The following DHRS7 variants were observed in gnomAD, a reference collection of about 807,000 sequenced individuals.
DHRS7 encodes the protein dehydrogenase/reductase SDR family member 7.
A neutral mutation model predicts 38.9 loss-of-function variants in DHRS7; 34 were observed. The observed-to-expected ratio is 0.87, with a 90% CI of 0.66 to 1.16. The LOEUF (loss-of-function observed/expected upper bound fraction) is 1.16, where lower values mean the gene tolerates loss of function less well. Ranked by LOEUF, DHRS7 falls within the 50% of genes most tolerant of loss-of-function variation. DHRS7 has a pLI of 0.00. For synonymous variants in DHRS7, 158 were observed against 153.1 expected, an observed-to-expected ratio of 1.03 and a Z score of -0.24; for missense variants, 421 against 407.0, an observed-to-expected ratio of 1.03 and a Z score of -0.30.
In DHRS7 at chr14:60,155,976, C is replaced by T. The variant is rs375291370; in HGVS notation, c.286+24G>A. ...GGACTGATTTATTTCTAGGAAGCAC[C>T]GCTGCTATTTCAGATCCGCTTACCT... On this transcript the variant is annotated intron_variant, in intron 2 of 6. Coordinates refer to ENST00000557185, the MANE Select transcript of DHRS7 (RefSeq NM_016029.4). The T allele has an allele frequency of 1.9e-5, 28 of 1,495,276 alleles. No individual in the cohort carries two copies. The South Asian group carries it at 1.9e-4, about 10-fold the overall frequency. 92.6% of individuals were successfully genotyped at this position (1,495,276 alleles called of 1,614,324 possible). A position where few individuals can be genotyped will look rare whatever the true frequency, so the allele number is the denominator to read the frequency against.
At chr14:60,151,802 T>C (rs962818865) in intron 4 of DHRS7, among the ~76,000 whole-genome samples, 7 of 152,196 alleles carry the variant, frequency 4.6e-5, no homozygotes, top group Non-Finnish European at 1.0e-4. Context: ...CTGCCACATT[T>C]TATCATAGGA....
At chr14:60,149,628 G>T (rs1056310735) in intron 5 of DHRS7, 60 bp from the exon 6 acceptor site, 12 of 1,400,990 alleles carry the variant, frequency 8.6e-6, no homozygotes, top group Non-Finnish European at 1.1e-5. Context: ...CTTTAAGCTA[G>T]AAAGGACTCA....
At chr14:60,165,668 C>T, upstream of DHRS7, 1 of 1,053,998 alleles carries the variant, frequency 9.5e-7, no homozygotes, top group Non-Finnish European at 1.1e-6. This position sits in a 1 kb window ranked among gnomAD's most constrained non-coding sequence, Gnocchi z 4.6. Context: ...ACATAAGCTA[C>T]ATATTATACT....
chr14:60,149,463 C>G lies in DHRS7; in HGVS notation c.862G>C (p.Glu288Gln). 6.2e-7 allele frequency: 1 copy of G among 1,614,152 alleles called. No individual in the cohort carries two copies. The highest frequency in any genetic ancestry group is 1.1e-5 in the South Asian group (1 of 91,088). The stretch of plus-strand genomic sequence containing the variant: ...TATGTTACTAACAAGAAAGGTTGTT[C>G]TGAGATCCAAACTTCTTTCAAATCA... ...ANDLKEVWISEQPFLLVTYLW... is the reference protein window; with the variant it reads ...ANDLKEVWISQQPFLLVTYLW... The change falls in exon 6 of 7, where the codon GAA (glutamate) becomes CAA (glutamine). Residue 288 changes from glutamate (E) to glutamine (Q), a missense_variant. Glu to Gln is a conservative substitution (Grantham distance 29). Coordinates refer to ENST00000557185, the MANE Select transcript of DHRS7 (RefSeq NM_016029.4).
Position 60,165,102 on chromosome 14 carries a change from CCCCGGAGA to C in DHRS7, c.133+67_133+74del. 6.4e-7 allele frequency: 1 copy of C among 1,562,744 alleles called. No homozygotes were observed. The highest frequency in any genetic ancestry group is 1.8e-5 in the Admixed American group (1 of 55,718). On this transcript the variant is annotated intron_variant, in intron 1 of 6. Transcript: ENST00000557185. This position sits in a 1 kb window ranked among gnomAD's most constrained non-coding sequence, Gnocchi z 4.6. ...AAAGGACCCGGGATCACTGCAGAAC[CCCCGGAGA>C]CCCGGACACGCCTCGGCAGCTCCGA...
At chr14:60,152,066 G>GA (rs1414533114) in intron 4 of DHRS7, among the ~76,000 whole-genome samples, 2 of 152,134 alleles carry the variant, frequency 1.3e-5, no homozygotes, top group Admixed American at 1.3e-4. Flanking sequence ...CTTTGCAGCA[G>GA]AAAAAAGATG....
At position 60,154,019 on chromosome 14, in the gene DHRS7, G is replaced by T; in HGVS notation, c.333C>A (p.Asp111Glu). The T allele has an allele frequency of 6.2e-7, 1 of 1,614,098 alleles. No homozygotes were observed. The highest frequency in any genetic ancestry group is 8.5e-7 in the Non-Finnish European group (1 of 1,179,956). ...KEKDILVLPLDLTDTGSHEAA... is the reference protein window; with the variant it reads ...KEKDILVLPLELTDTGSHEAA... ...CTTCATGGGAACCAGTGTCGGTCAG[G>T]TCAAGGGGCAAAACAAGTATATCTT... Residue 111 changes from aspartate to glutamate, a missense_variant, in exon 3 of 7, where the codon GAC becomes GAA. Transcript: ENST00000557185.
In DHRS7 at chr14:60,153,875, C is replaced by T. The variant is rs1307980303; in HGVS notation, c.393+84G>A. 14 of 1,262,494 alleles carry T rather than the reference C, an allele frequency of 1.1e-5. 2 individuals carry two copies. The Admixed American group carries it at 2.4e-4, about 22-fold the overall frequency. The allele number at this position is 1,262,494 out of a possible 1,614,324, so 78.2% of individuals were successfully genotyped here. A position where few individuals can be genotyped will look rare whatever the true frequency, so the allele number is the denominator to read the frequency against. On this transcript the variant is annotated intron_variant, in intron 3 of 6. Transcript: ENST00000557185. The surrounding 1 kb of genome is among the most constrained non-coding windows in gnomAD (Gnocchi z 4.4). The stretch of plus-strand genomic sequence containing the variant: ...CTGCATGGACCCCACTTGCCTAAAG[C>T]CCTTTGTATGACAGCACCACGGATG...
upstream of DHRS7, chr14:60,169,123 C>G (rs376834000): frequency 8.9e-5 from 1 of 11,262 alleles, no homozygotes; most frequent in African/African-American, 2.9e-4. Context: ...AACAAACAAA[C>G]AAAAGAAACC....
chr14:60,166,895 G>A (rs1328617290), upstream of DHRS7, among the ~76,000 whole-genome samples: 4 of 151,016 alleles, frequency 2.6e-5, no homozygotes, highest in African/African-American at 7.3e-5. Flanking sequence ...ATAAGCCCAC[G>A]TTGATTGAAT....
chr14:60,156,962 G>A (rs1469149452), intron 1 of DHRS7, among the ~76,000 whole-genome samples: 1 of 152,162 alleles, frequency 6.6e-6, no homozygotes, highest in Non-Finnish European at 1.5e-5. Flanking sequence ...AGCACTTCAG[G>A]AGATGATATT....
chr14:60,166,934 T>C (rs542260750), upstream of DHRS7, among the ~76,000 whole-genome samples: 1 of 150,194 alleles, frequency 6.7e-6, no homozygotes, highest in East Asian at 2.0e-4. Flanking sequence ...TAAACCTCCT[T>C]GATAGAGAGT....
At position 60,153,427 on chromosome 14, in the gene DHRS7, G is replaced by A. The variant is rs188551448; in HGVS notation, c.394-249C>T. On this transcript the variant is annotated intron_variant, in intron 3 of 6. Coordinates refer to ENST00000557185, the MANE Select transcript of DHRS7 (RefSeq NM_016029.4). This position sits in a 1 kb window ranked among gnomAD's most constrained non-coding sequence, Gnocchi z 4.4. ...AAAATAAATAAAAGCAGCCAGCTGG[G>A]CACAGTAGCCTGTAATCCCTGCACT... is the stretch of plus-strand genomic sequence containing the variant. Among the ~76,000 whole-genome samples, 214 of 152,256 alleles carry A rather than the reference G, an allele frequency of 1.4e-3. 1 individual carries two copies. The highest frequency in any genetic ancestry group is 2.6e-3 in the Non-Finnish European group (180 of 68,026).
At chr14:60,151,598 C>T (rs1023406514) in intron 4 of DHRS7, among the ~76,000 whole-genome samples, 5 of 151,676 alleles carry the variant, frequency 3.3e-5, no homozygotes, top group Admixed American at 1.3e-4. Flanking sequence ...CCTTCTGCCT[C>T]TCTGTAGCAA....
rs539643284 is a variant in DHRS7, at chr14:60,153,141, C to T, written c.431G>A (p.Arg144His). ...CAAGCTGGTATCCATGCACAGAGAA[C>T]GCTGGGACATTCCACCATTGTTGAC... ...ILVNNGGMSQ[R>H]SLCMDTSLDV... Residue 144 changes from arginine to histidine, a missense_variant, in exon 4 of 7, where the codon CGT becomes CAT. Physicochemically the swap from Arg to His is conservative, Grantham distance 29 (BLOSUM62 0). Transcript: ENST00000557185. The surrounding 1 kb of genome is among the most constrained non-coding windows in gnomAD (Gnocchi z 4.4). 9 of 1,614,072 alleles carry T rather than the reference C, an allele frequency of 5.6e-6. No individual in the cohort carries two copies. The highest frequency in any genetic ancestry group is 1.7e-5 in the Admixed American group (1 of 60,020).
chr14:60,144,793 A>T lies in DHRS7; in HGVS notation c.*173T>A. The T allele has an allele frequency of 1.6e-6, 1 of 621,838 alleles. No individual in the cohort carries two copies. Among genetic ancestry groups the T allele is most frequent in the African/African-American group, 1.9e-5 (1 of 52,828 alleles). The allele number at this position is 621,838 out of a possible 1,614,324, so 38.5% of individuals were successfully genotyped here. ...AGTTAATACCTTTTTTGCAAGATTC[A>T]TGGCAATCTTTTATTATTTATTTTT... On this transcript the variant is annotated 3_prime_UTR_variant, in exon 7 of 7. Coordinates refer to ENST00000557185, the MANE Select transcript of DHRS7 (RefSeq NM_016029.4).
rs780030900 is a variant in DHRS7, at chr14:60,165,165, G to A, written c.133+12C>T. The A allele has an allele frequency of 6.2e-7, 1 of 1,611,484 alleles. No individual in the cohort carries two copies. The highest frequency in any genetic ancestry group is 1.1e-5 in the South Asian group (1 of 90,828). Reference sequence around the variant, plus strand: ...GGCCTCCCACTCGGGAGAGGCTTTGGCCGGTCCTCACCTGGGCGTCGTCCC... The same window carrying A: ...GGCCTCCCACTCGGGAGAGGCTTTGACCGGTCCTCACCTGGGCGTCGTCCC... On this transcript the variant is annotated intron_variant, in intron 1 of 6. Transcript: ENST00000557185. This position sits in a 1 kb window ranked among gnomAD's most constrained non-coding sequence, Gnocchi z 4.6.
chr14:60,167,776 G>A (rs1242882535), upstream of DHRS7, among the ~76,000 whole-genome samples: 1 of 152,208 alleles, frequency 6.6e-6, no homozygotes, highest in African/African-American at 2.4e-5. Flanking sequence ...TTTGATTGAG[G>A]ATGTTTTCAC....
chr14:60,159,731 G>A (rs1896725298), intron 1 of DHRS7, among the ~76,000 whole-genome samples: 3 of 152,022 alleles, frequency 2.0e-5, no homozygotes, highest in Admixed American at 1.3e-4. Flanking sequence ...CCATCTTCTT[G>A]GGCCCCTTCT....
Sources: gnomAD v4.1 joint callset for allele counts (sites outside exome capture counted in the v4.1 genomes callset) on GRCh38, gnomAD v4.1.1 for gene constraint, Gnocchi (gnomAD v3.1) non-coding constraint, MANE v1.5 for transcripts, NCBI Gene and HGNC (gene_info 2026-07-23, HGNC 2026-07-21) for gene names.